Variants in JAKMIP3 observed in about 807,000 individuals in gnomAD.
The protein encoded by JAKMIP3 is janus kinase and microtubule-interacting protein 3.
A neutral mutation model predicts 118.5 loss-of-function variants in JAKMIP3; 58 were observed. That is an observed-to-expected ratio of 0.49 (90% CI 0.40 to 0.61). JAKMIP3 has a LOEUF of 0.61. JAKMIP3 is among the 20% of genes least tolerant of loss of function. The pLI is 0.00. For missense variants in JAKMIP3, 950 were observed against 1,109.0 expected (o/e 0.86, Z 2.04); for synonymous variants, 486 against 451.2 (o/e 1.08, Z -0.98).
chr10:132,042,853 C>A (rs2037802848), intron 1 of JAKMIP3, among the ~76,000 whole-genome samples: 1 of 151,776 alleles, frequency 6.6e-6, no homozygotes, highest in African/African-American at 2.4e-5. Flanking sequence ...CCTTTGGGAG[C>A]CCAGGGTGGG....
At chr10:132,107,926 G>A (rs1006430659) in intron 2 of JAKMIP3, among the ~76,000 whole-genome samples, 4 of 152,216 alleles carry the variant, frequency 2.6e-5, no homozygotes, top group Admixed American at 1.3e-4. Flanking sequence ...TGACGGTGAC[G>A]TCCCCAGGGC....
At chr10:132,080,063 C>G (rs1279880253) in intron 1 of JAKMIP3, among the ~76,000 whole-genome samples, 3 of 152,134 alleles carry the variant, frequency 2.0e-5, no homozygotes, top group South Asian at 4.1e-4. Context: ...ACCTGTAATC[C>G]CAGCTACTCA....
intron 2 of JAKMIP3, among the ~76,000 whole-genome samples, chr10:132,110,404 A>G (rs190985052): frequency 7.9e-5 from 12 of 152,356 alleles, no homozygotes; most frequent in South Asian, 2.1e-4. Flanking sequence ...CCTTCTGTGC[A>G]GTTTTTGCCT....
chr10:132,144,430 T>C (rs2054195561), intron 11 of JAKMIP3: 1 of 152,544 alleles, frequency 6.6e-6, no homozygotes, highest in Non-Finnish European at 1.5e-5. Context: ...CACCCGGGGC[T>C]TCCAGCGGGT....
intron 21 of JAKMIP3, among the ~76,000 whole-genome samples, chr10:132,164,967 C>CT (rs1484633821): frequency 6.6e-6 from 1 of 152,220 alleles, no homozygotes; most frequent in African/African-American, 2.4e-5. Flanking sequence ...GCCCCAGGGT[C>CT]TAGGAATGCC....
chr10:132,138,003 A>C, intron 8 of JAKMIP3, 116 bp from the exon 9 acceptor site: 2 of 971,764 alleles, frequency 2.1e-6, no homozygotes, highest in Non-Finnish European at 3.1e-6. Flanking sequence ...GGGACAAGCC[A>C]GCCCAGACAC....
intron 3 of JAKMIP3, among the ~76,000 whole-genome samples, chr10:132,129,985 G>A (rs1024956427): frequency 6.6e-5 from 10 of 151,872 alleles, no homozygotes; most frequent in Non-Finnish European, 1.5e-5. Context: ...CATGATTGAG[G>A]GGGACCTGGA....
chr10:132,038,790 CAAAAAA>C (rs58917363), intron 1 of JAKMIP3, among the ~76,000 whole-genome samples: 294 of 124,732 alleles, frequency 2.4e-3, no homozygotes, highest in African/African-American at 8.2e-3. Flanking sequence ...GAGACTGTCT[CAAAAAA>C]AAAAAAAAAA....
intron 6 of JAKMIP3, among the ~76,000 whole-genome samples, chr10:132,136,668 CAGGAGGGATTTGGGAG>C (rs1371682385): frequency 1.3e-5 from 2 of 152,204 alleles, no homozygotes; most frequent in Non-Finnish European, 2.9e-5. Flanking sequence ...GAATTAGAGT[CAGGAGGGATTTGGGAG>C]AGGAGGCCAC....
chr10:132,094,622 G>A (rs532416686), intron 1 of JAKMIP3, among the ~76,000 whole-genome samples: 1 of 152,256 alleles, frequency 6.6e-6, no homozygotes, highest in East Asian at 1.9e-4. Flanking sequence ...CTTGGACATG[G>A]ACACCAGCAC....
chr10:132,054,141 A>G (rs114241820), intron 1 of JAKMIP3, among the ~76,000 whole-genome samples: 1,878 of 151,928 alleles, frequency 0.012, 31 homozygotes, highest in African/African-American at 0.043. Flanking sequence ...CCAAGGATGG[A>G]CCAGGGGAAC....
Position 132,133,542 on chromosome 10 carries a change from G to A in JAKMIP3, c.849+15G>A. On this transcript the variant is annotated intron_variant, in intron 4 of 23. Transcript: ENST00000684848. ...CGGGAAGCCCTGTAAGCACCTCCCA[G>A]GCCCACCGGCCCACCCCGTGTCACA... 1.9e-6 allele frequency: 3 copies of A among 1,546,314 alleles called. No individual in the cohort carries two copies. In the South Asian group the frequency reaches 3.6e-5, roughly 18 times the overall value.
chr10:132,135,266 G>C (rs1053066739), intron 5 of JAKMIP3, 106 bp downstream of exon 5: 11 of 1,164,572 alleles, frequency 9.4e-6, no homozygotes, highest in Non-Finnish European at 1.2e-5. Flanking sequence ...AGTGGTGGTT[G>C]CAAGGACCGG....
intron 1 of JAKMIP3, among the ~76,000 whole-genome samples, chr10:132,037,942 G>C (rs891299155): frequency 1.3e-5 from 2 of 152,244 alleles, no homozygotes; most frequent in Non-Finnish European, 2.9e-5. Flanking sequence ...CCACAAATCT[G>C]GAAGAAGCCG....
intron 22 of JAKMIP3, 105 bp downstream of exon 22, chr10:132,167,160 C>A: frequency 1.3e-6 from 1 of 794,348 alleles, no homozygotes; most frequent in Non-Finnish European, 2.1e-6. Flanking sequence ...ATTCGATCAA[C>A]TGGAAGGCGA....
rs981114106 is a variant in JAKMIP3 at position 132,138,162 on chromosome 10, T to C, written c.1328T>C (p.Met443Thr). ...AGATTCCGGAAGCAAAGAAAGAAAATGGCAAAACTTCCCAAGGTAAGGAAC... is the reference window on the plus strand; with the variant it reads ...AGATTCCGGAAGCAAAGAAAGAAAACGGCAAAACTTCCCAAGGTAAGGAAC... ...LLRFRKQRKK[M>T]AKLPKPVVVE... Residue 443 changes from methionine to threonine, a missense_variant, in exon 9 of 24, where the codon ATG (methionine) becomes ACG (threonine). Physicochemically the swap from Met to Thr is moderately conservative, Grantham distance 81. Coordinates refer to ENST00000684848, the MANE Select transcript of JAKMIP3 (RefSeq NM_001323087.2). 1.9e-6 allele frequency: 3 copies of C among 1,611,102 alleles called. No homozygotes were observed. In the African/African-American group the frequency reaches 4.0e-5, roughly 22 times the overall value.
At chr10:132,155,601 C>T (rs2056999449) in intron 19 of JAKMIP3, among the ~76,000 whole-genome samples, 1 of 152,198 alleles carries the variant, frequency 6.6e-6, no homozygotes, top group Admixed American at 6.5e-5. Flanking sequence ...CCATGGGAGG[C>T]TTTGGAGGCA....
chr10:132,092,022 C>T (rs2043158321), intron 1 of JAKMIP3, among the ~76,000 whole-genome samples: 1 of 151,928 alleles, frequency 6.6e-6, no homozygotes, highest in Admixed American at 6.6e-5. Flanking sequence ...ATTTCTCCTT[C>T]ACTTATGAAG....
At chr10:132,169,809 C>T (rs556465674) in intron 23 of JAKMIP3, 13 of 152,360 alleles carry the variant, frequency 8.5e-5, no homozygotes, top group African/African-American at 3.1e-4. Flanking sequence ...CGACCACCAC[C>T]CTGGACTCAG....
Sources: allele counts gnomAD v4.1 joint callset (sites outside exome capture counted in the v4.1 genomes callset), GRCh38; gene constraint gnomAD v4.1.1; transcripts MANE v1.5; gene names NCBI Gene and HGNC (gene_info 2026-07-23, HGNC 2026-07-21).